Variants in ABCB5 observed in about 807,000 individuals in gnomAD.
ABCB5 encodes ATP binding cassette subfamily B member 5.
In ABCB5, 155 loss-of-function variants were observed where a neutral mutation model predicts 144.2. The ratio of observed to expected loss-of-function variants is 1.08; its 90% CI spans 0.94 to 1.23. ABCB5 has a LOEUF of 1.23. Among genes scored for constraint, ABCB5 ranks in the 50% most tolerant of loss-of-function variants. The pLI is 0.00. For synonymous variants in ABCB5, 610 were observed against 528.6 expected (o/e 1.15, Z -2.11); for missense variants, 1,830 against 1,520.8 (o/e 1.20, Z -3.38).
intron 5 of ABCB5, among the ~76,000 whole-genome samples, chr7:20,636,254 A>G (rs1784152883): frequency 6.6e-6 from 1 of 152,150 alleles, no homozygotes; most frequent in South Asian, 2.1e-4. Context: ...GTCTTACAGT[A>G]TTAAAGCAGG....
At chr7:20,624,105 C>A (rs1279989411) in intron 2 of ABCB5, among the ~76,000 whole-genome samples, 1 of 152,178 alleles carries the variant, frequency 6.6e-6, no homozygotes, top group African/African-American at 2.4e-5. Context: ...CCTTTCTAAG[C>A]ACCTTTTCCT....
intron 23 of ABCB5, among the ~76,000 whole-genome samples, chr7:20,729,246 C>G (rs1782134208): frequency 6.6e-6 from 1 of 152,162 alleles, no homozygotes; most frequent in Non-Finnish European, 1.5e-5. Flanking sequence ...GAATTGCTCT[C>G]TGCTTCAGTT....
intron 16 of ABCB5, among the ~76,000 whole-genome samples, chr7:20,692,655 G>C (rs1444558276): frequency 6.6e-6 from 1 of 151,718 alleles, no homozygotes; most frequent in Non-Finnish European, 1.5e-5. Flanking sequence ...AAAGAAAAAA[G>C]AACATTATAT....
At chr7:20,648,612 C>T (rs1446656292) in intron 11 of ABCB5, among the ~76,000 whole-genome samples, 1 of 152,144 alleles carries the variant, frequency 6.6e-6, no homozygotes, top group Non-Finnish European at 1.5e-5. Flanking sequence ...TTGTCTTCCC[C>T]CTTTCACTTC....
At position 20,653,216 on chromosome 7, in the gene ABCB5, A is replaced by G. The variant is rs188995452; in HGVS notation, c.1536+1593A>G. 2.0e-4 allele frequency among the ~76,000 whole-genome samples: 30 copies of G among 152,356 alleles called. 1 individual carries two copies. The highest frequency in any genetic ancestry group is 7.0e-4 in the African/African-American group (29 of 41,578). ...GCTTTTACCAAAAGCCAAATACTAC[A>G]CAAAGATGTCCCTTGCTATAAATCT... On this transcript the variant is annotated intron_variant, in intron 13 of 27. Transcript: ENST00000404938.
chr7:20,643,690 C>A, intron 7 of ABCB5, 58 bp downstream of exon 7: 1 of 1,577,054 alleles, frequency 6.3e-7, no homozygotes, highest in East Asian at 2.3e-5. Flanking sequence ...CTAAATGACT[C>A]ACTGAGTTTG....
At chr7:20,714,358 A>AAC (rs982562345) in intron 20 of ABCB5, among the ~76,000 whole-genome samples, 42 of 151,994 alleles carry the variant, frequency 2.8e-4, no homozygotes, top group African/African-American at 8.7e-4. Context: ...CAAAAAAAAA[A>AAC]CCTGTATTTT....
chr7:20,743,997 C>T (rs983751856), intron 25 of ABCB5, among the ~76,000 whole-genome samples: 2 of 152,166 alleles, frequency 1.3e-5, no homozygotes, highest in Admixed American at 6.5e-5. Flanking sequence ...AAGCTCCTCT[C>T]ATATCACTCC....
At chr7:20,707,484 G>T (rs62453366) in intron 20 of ABCB5, among the ~76,000 whole-genome samples, 36,677 of 152,032 alleles carry the variant, frequency 0.24, 4,725 homozygotes, top group Admixed American at 0.27. Flanking sequence ...AAAGCTAAAA[G>T]CCATTTTAGA....
chr7:20,649,405 G>A (rs1439846203), intron 11 of ABCB5, among the ~76,000 whole-genome samples: 2 of 152,160 alleles, frequency 1.3e-5, no homozygotes, highest in Non-Finnish European at 2.9e-5. Flanking sequence ...CAGGATCACT[G>A]TTGTCATTTC....
chr7:20,654,672 T>C (rs1784711706), intron 13 of ABCB5, among the ~76,000 whole-genome samples: 1 of 152,106 alleles, frequency 6.6e-6, no homozygotes, highest in Non-Finnish European at 1.5e-5. Context: ...GACCATAATA[T>C]AAGTAAACTA....
chr7:20,678,329 T>C (rs935131020), intron 14 of ABCB5, among the ~76,000 whole-genome samples: 4 of 152,190 alleles, frequency 2.6e-5, no homozygotes, highest in Non-Finnish European at 4.4e-5. Flanking sequence ...AATTATCACC[T>C]GCTTCATCAA....
chr7:20,668,786 C>G (rs1215487554), intron 14 of ABCB5, among the ~76,000 whole-genome samples: 5 of 137,246 alleles, frequency 3.6e-5, no homozygotes, highest in African/African-American at 1.4e-4. Context: ...CTCTGCCCGG[C>G]CGCCCCTACT....
At chr7:20,640,763 A>C (rs1784279497) in intron 5 of ABCB5, among the ~76,000 whole-genome samples, 1 of 152,174 alleles carries the variant, frequency 6.6e-6, no homozygotes. Context: ...AAACTTTAGC[A>C]AGGAAGCAGA....
At chr7:20,630,433 CA>C (rs1784013635) in intron 4 of ABCB5, among the ~76,000 whole-genome samples, 1 of 151,860 alleles carries the variant, frequency 6.6e-6, no homozygotes, top group South Asian at 2.1e-4. Flanking sequence ...TCTTTAAACT[CA>C]AAAGTAAATC....
At chr7:20,672,586 G>A (rs1397707237) in intron 14 of ABCB5, among the ~76,000 whole-genome samples, 2 of 152,086 alleles carry the variant, frequency 1.3e-5, no homozygotes, top group Admixed American at 6.6e-5. Flanking sequence ...TTAAAAGAGA[G>A]AAAGAAAGAA....
intron 1 of ABCB5, among the ~76,000 whole-genome samples, chr7:20,618,382 T>C (rs946870701): frequency 3.9e-5 from 6 of 152,356 alleles, no homozygotes; most frequent in Admixed American, 1.3e-4. Flanking sequence ...ATTTCATTTA[T>C]ATGGCTATCT....
chr7:20,681,599 C>T lies in ABCB5; in HGVS notation c.1802C>T (p.Ala601Val), dbSNP rs775739574. The T allele has an allele frequency of 4.0e-5, 64 of 1,614,102 alleles. No individual in the cohort carries two copies. In the Middle Eastern group the frequency reaches 1.3e-3, roughly 33 times the overall value. ...GTGACCCTAAAGGATGGAATGCTGG[C>T]GGAGAAAGGAGCACATGCTGAACTA... ...LIVTLKDGMLAEKGAHAELMA... is the reference protein window; with the variant it reads ...LIVTLKDGMLVEKGAHAELMA... Residue 601 changes from alanine (A) to valine (V), a missense_variant, in exon 15 of 28, where the codon GCG becomes GTG. Coordinates refer to ENST00000404938, the MANE Select transcript of ABCB5 (RefSeq NM_001163941.2).
At chr7:20,675,390 G>T (rs1023967489) in intron 14 of ABCB5, among the ~76,000 whole-genome samples, 2 of 151,936 alleles carry the variant, frequency 1.3e-5, no homozygotes. Context: ...GTACACAATG[G>T]GGAAAGGATG....
Sources: allele counts gnomAD v4.1 joint callset (sites outside exome capture counted in the v4.1 genomes callset), GRCh38; gene constraint gnomAD v4.1.1; transcripts MANE v1.5; gene names NCBI Gene and HGNC (gene_info 2026-07-23, HGNC 2026-07-21).